SNX5: variants seen among roughly 807,000 people sequenced by gnomAD.
SNX5 encodes sorting nexin 5, also known as sorting nexin-5.
Under a neutral mutation model 53.9 loss-of-function variants are expected in SNX5, and 31 were observed. The observed-to-expected ratio is 0.58, with a 90% CI of 0.43 to 0.78. The LOEUF (loss-of-function observed/expected upper bound fraction) is 0.78. Among genes scored for constraint, SNX5 ranks in the 30% least tolerant of loss-of-function variants. SNX5 has a pLI of 0.00. For synonymous variants in SNX5, 168 were observed against 171.1 expected, an observed-to-expected ratio of 0.98 and a Z score of 0.14; for missense variants, 471 against 478.8, an observed-to-expected ratio of 0.98 and a Z score of 0.15.
chr20:17,956,467 G>A (rs1032621648), intron 2 of SNX5, among the ~76,000 whole-genome samples: 38 of 152,038 alleles, frequency 2.5e-4, no homozygotes, highest in African/African-American at 9.2e-4. Flanking sequence ...TCTGGCTCAC[G>A]CCTTGAATCC....
In SNX5 at chr20:17,950,303, T is replaced by G; in HGVS notation, c.703A>C (p.Arg235=). 6.2e-7 allele frequency: 1 copy of G among 1,612,410 alleles called. No homozygotes were observed. The highest frequency in any genetic ancestry group is 1.6e-4 in the Middle Eastern group (1 of 6,062). ...AAATGATATTTACTTTTATGAGATC[T>G]GGTCATTTTGTCAGCTTTCACACAA... is the stretch of plus-strand genomic sequence containing the variant. ...DSCVKADKMT[R]SHKNVADDYI... is the part of the protein sequence containing the mutation. The change falls in exon 7 of 13, where the codon AGA becomes CGA. Residue 235 remains arginine (R), a synonymous_variant. Coordinates refer to ENST00000377759, the MANE Select transcript of SNX5 (RefSeq NM_014426.4).
chr20:17,960,326 T>C (rs933427248), intron 1 of SNX5, among the ~76,000 whole-genome samples: 30 of 152,098 alleles, frequency 2.0e-4, no homozygotes, highest in African/African-American at 6.3e-4. Flanking sequence ...CCAGGCACGG[T>C]GGCTCACGCC....
At chr20:17,948,732 G>T (rs1179030977) in intron 10 of SNX5, among the ~76,000 whole-genome samples, 158 bp downstream of exon 10, 2 of 152,168 alleles carry the variant, frequency 1.3e-5, no homozygotes, top group African/African-American at 2.4e-5. Flanking sequence ...ATACAGTGCT[G>T]TCAGATACAC....
chr20:17,962,127 A>C, intron 1 of SNX5: 5 of 304,312 alleles, frequency 1.6e-5, no homozygotes, highest in Non-Finnish European at 2.4e-5. Context: ...GTTCAATCTC[A>C]GCTTTAGATT....
Position 17,942,136 on chromosome 20 carries a change from G to C in SNX5, c.*221C>G, listed in dbSNP as rs944947469. 3 of 519,642 alleles carry C rather than the reference G, an allele frequency of 5.8e-6. No individual in the cohort carries two copies. The Admixed American group carries it at 9.7e-5, about 17-fold the overall frequency. The allele number at this position is 519,642 out of a possible 1,614,324, so 32.2% of individuals were successfully genotyped here. A position where few individuals can be genotyped will look rare whatever the true frequency, so the allele number is the denominator to read the frequency against. On this transcript the variant is annotated 3_prime_UTR_variant, in exon 13 of 13. Coordinates refer to ENST00000377759, the MANE Select transcript of SNX5 (RefSeq NM_014426.4). Reference sequence around the variant, plus strand: ...ACCCAGTATTTGGATTCTGCCCAGAGGTATTAAATGCACAAGGAAAAATTA... The same window carrying C: ...ACCCAGTATTTGGATTCTGCCCAGACGTATTAAATGCACAAGGAAAAATTA...
intron 6 of SNX5, 71 bp from the exon 7 acceptor site, chr20:17,950,467 A>G (rs1029162289): frequency 3.7e-6 from 3 of 808,408 alleles, no homozygotes; most frequent in African/African-American, 3.5e-5. Context: ...ACATTTATCA[A>G]TATAAAAATA....
At chr20:17,951,396 TAAA>T in intron 6 of SNX5, 101 bp downstream of exon 6, 1 of 725,866 alleles carries the variant, frequency 1.4e-6, no homozygotes, top group Non-Finnish European at 2.4e-6. Flanking sequence ...TTACATGTCT[TAAA>T]AGTTAACCAT....
chr20:17,968,215 T>A (rs940493929), intron 1 of SNX5, 160 bp downstream of exon 1: 4 of 458,078 alleles, frequency 8.7e-6, no homozygotes, highest in Non-Finnish European at 1.4e-5. Context: ...CAGCCTTCAG[T>A]GAAGACCAGG....
At chr20:17,945,806 A>G (rs2039481037) in intron 11 of SNX5, among the ~76,000 whole-genome samples, 1 of 152,180 alleles carries the variant, frequency 6.6e-6, no homozygotes, top group Admixed American at 6.5e-5. Flanking sequence ...GAAATCTATA[A>G]AGTCTAGGTT....
chr20:17,967,258 C>T (rs766629682), intron 1 of SNX5, among the ~76,000 whole-genome samples: 11 of 151,146 alleles, frequency 7.3e-5, no homozygotes, highest in African/African-American at 2.7e-4. Flanking sequence ...CATTATCTAC[C>T]CTTTATGGAG....
intron 1 of SNX5, among the ~76,000 whole-genome samples, chr20:17,967,505 G>A (rs906898774): frequency 3.3e-5 from 5 of 152,148 alleles, no homozygotes; most frequent in Admixed American, 6.5e-5. Flanking sequence ...AACTTCTCAA[G>A]AAATGTGTAA....
At chr20:17,945,049 C>A (rs1016989549) in intron 11 of SNX5, 6 of 152,210 alleles carry the variant, frequency 3.9e-5, no homozygotes, top group Non-Finnish European at 1.5e-5. Context: ...AGCAGACTCA[C>A]CCTCCTTCCT....
At chr20:17,955,528 C>T in intron 2 of SNX5, 53 bp from the exon 3 acceptor site, 1 of 1,272,684 alleles carries the variant, frequency 7.9e-7, no homozygotes, top group Non-Finnish European at 1.1e-6. Context: ...GATAAGTGAT[C>T]TGGGTTTCCT....
At chr20:17,967,377 T>G (rs2035561758) in intron 1 of SNX5, among the ~76,000 whole-genome samples, 1 of 152,104 alleles carries the variant, frequency 6.6e-6, no homozygotes, top group African/African-American at 2.4e-5. Context: ...CACCCTCCTG[T>G]ATAGAAAGCT....
chr20:17,946,388 G>A (rs190552497), intron 11 of SNX5, among the ~76,000 whole-genome samples: 3 of 152,176 alleles, frequency 2.0e-5, no homozygotes. Context: ...CTGGAGCAGA[G>A]AGTAAGATTA....
chr20:17,942,913 G>GGT, intron 12 of SNX5, 197 bp downstream of exon 12: 1 of 405,206 alleles, frequency 2.5e-6, no homozygotes, highest in Non-Finnish European at 4.4e-6. Flanking sequence ...AAAAAAAAAA[G>GGT]TTGCTAAAAA....
intron 1 of SNX5, among the ~76,000 whole-genome samples, chr20:17,958,310 T>C (rs1226315211): frequency 6.6e-6 from 1 of 152,232 alleles, no homozygotes; most frequent in Non-Finnish European, 1.5e-5. Context: ...GGTCCCTTTC[T>C]TCAAAATAAA....
Position 17,953,982 on chromosome 20 carries a change from G to A in SNX5, c.389+14C>T. On this transcript the variant is annotated intron_variant, in intron 4 of 12. Coordinates refer to ENST00000377759, the MANE Select transcript of SNX5 (RefSeq NM_014426.4). Reference sequence around the variant, plus strand: ...CTTCTCAAAAGACAGAGCCCACCAGGAAAATCCACTTACGCTTCCAGTTCT... The same window carrying A: ...CTTCTCAAAAGACAGAGCCCACCAGAAAAATCCACTTACGCTTCCAGTTCT... 1.2e-6 allele frequency: 2 copies of A among 1,608,532 alleles called. No homozygotes were observed. The highest frequency in any genetic ancestry group is 1.7e-4 in the Middle Eastern group (1 of 6,046).
intron 1 of SNX5, among the ~76,000 whole-genome samples, chr20:17,960,844 T>A (rs564646848): frequency 6.6e-6 from 1 of 151,292 alleles, no homozygotes; most frequent in Non-Finnish European, 1.5e-5. Context: ...TGAGACCTCA[T>A]CTCTATTTCA....
Sources: allele counts gnomAD v4.1 joint callset (sites outside exome capture counted in the v4.1 genomes callset), GRCh38; gene constraint gnomAD v4.1.1; transcripts MANE v1.5; gene names NCBI Gene and HGNC (gene_info 2026-07-23, HGNC 2026-07-21).